Variants in EPS8L2 observed in about 807,000 individuals in gnomAD.
The protein encoded by EPS8L2 is epidermal growth factor receptor kinase substrate 8-like protein 2.
In EPS8L2, 81 loss-of-function variants were observed where a neutral mutation model predicts 99.4. That is an observed-to-expected ratio of 0.82 (90% CI 0.68 to 0.98). EPS8L2 has a LOEUF of 0.98. Among genes scored for constraint, EPS8L2 ranks in the 50% least tolerant of loss-of-function variants. The probability of loss-of-function intolerance (pLI) is 0.00; values close to 1 mark genes in which losing one functional copy is unlikely to be tolerated. For missense variants in EPS8L2, 1,155 were observed against 968.8 expected (o/e 1.19, Z -2.55); for synonymous variants, 509 against 407.3 (o/e 1.25, Z -3.01).
chr11:710,535 G>T, intron 4 of EPS8L2, 49 bp downstream of exon 4: 1 of 1,513,818 alleles, frequency 6.6e-7, no homozygotes, highest in Non-Finnish European at 9.2e-7. Flanking sequence ...GCACCCTCAG[G>T]ACATGGCTGT....
At chr11:721,507 A>T in intron 9 of EPS8L2, 58 bp from the exon 10 acceptor site, 1 of 1,518,284 alleles carries the variant, frequency 6.6e-7, no homozygotes, top group Non-Finnish European at 8.8e-7. Flanking sequence ...CTGTCCCTGC[A>T]GCAAGGCGGG....
At position 721,673 on chromosome 11, in the gene EPS8L2, G is replaced by T; in HGVS notation, c.877G>T (p.Gly293Cys). The stretch of plus-strand genomic sequence containing the variant: ...CCAGCGGAAAAAGGGGAAGAAGAAG[G>T]GCAAGAAGGCGCCAGCAGGTGCAGG... ...LNQRKKGKKKGKKAPAEGVLT... is the reference protein window; with the variant it reads ...LNQRKKGKKKCKKAPAEGVLT... Residue 293 changes from glycine (G) to cysteine (C), a missense_variant, in exon 10 of 21, where the codon GGC becomes TGC. Transcript: ENST00000318562. 6.3e-7 allele frequency: 1 copy of T among 1,592,878 alleles called. No individual in the cohort carries two copies. The highest frequency in any genetic ancestry group is 2.2e-5 in the East Asian group (1 of 44,638).
In EPS8L2 at chr11:723,513, A is replaced by G. The variant is rs1357862251; in HGVS notation, c.1454+160A>G. Among the ~76,000 whole-genome samples, 4 of 152,248 alleles carry G rather than the reference A, an allele frequency of 2.6e-5. No individual in the cohort carries two copies. In the East Asian group the frequency reaches 7.7e-4, roughly 29 times the overall value. On this transcript the variant is annotated intron_variant, in intron 15 of 20. Transcript: ENST00000318562. Reference sequence around the variant, plus strand: ...TTGAAGCGGTTTTCATTTCAACTGCATGATATATAATTAAAGGAAACATTT... The same window carrying G: ...TTGAAGCGGTTTTCATTTCAACTGCGTGATATATAATTAAAGGAAACATTT...
At chr11:725,688 G>C in intron 16 of EPS8L2, 40 bp from the exon 17 acceptor site, 1 of 1,297,732 alleles carries the variant, frequency 7.7e-7, no homozygotes, top group Non-Finnish European at 9.8e-7. Flanking sequence ...CAGCCCCGCA[G>C]AGCCTGGGTG....
chr11:725,896 A>C, intron 17 of EPS8L2, 49 bp downstream of exon 17: 1 of 1,364,250 alleles, frequency 7.3e-7, no homozygotes, highest in Non-Finnish European at 9.4e-7. Flanking sequence ...TTCCTGGAGC[A>C]GCCCCGCCTG....
In EPS8L2 at chr11:722,163, C is replaced by CTGG; in HGVS notation, c.1059+1_1059+3dup. ...GCACTTCCTCTTCGGGCCTCTGGAC[C>CTGG]TGGTGCCTGGGGCCGGGCGGCAGGG... On this transcript the variant is annotated inframe_insertion and splice_region_variant, in exon 12 of 21. Transcript: ENST00000318562. The CTGG allele has an allele frequency of 6.2e-7, 1 of 1,612,214 alleles. No homozygotes were observed. Among genetic ancestry groups the CTGG allele is most frequent in the Non-Finnish European group, 8.5e-7 (1 of 1,179,618 alleles).
intron 15 of EPS8L2, among the ~76,000 whole-genome samples, chr11:723,804 G>T (rs929323578): frequency 1.4e-5 from 2 of 140,794 alleles, no homozygotes; most frequent in Non-Finnish European, 3.1e-5. Flanking sequence ...CAAAGAACAA[G>T]CCTATGGCAC....
In EPS8L2 at chr11:723,239, A is replaced by C; in HGVS notation, c.1342-2A>C. On this transcript the variant is annotated splice_acceptor_variant, in intron 14 of 20. Coordinates refer to ENST00000318562, the MANE Select transcript of EPS8L2 (RefSeq NM_022772.4). LOFTEE classifies it high-confidence loss of function. Reference sequence around the variant, plus strand: ...AACTCAGGTCGCCCACCTTCCCCACAGGTGAGTCCAGTGAGCCGACAGTCC... The same window carrying C: ...AACTCAGGTCGCCCACCTTCCCCACCGGTGAGTCCAGTGAGCCGACAGTCC... 1.3e-6 allele frequency: 2 copies of C among 1,587,842 alleles called. No individual in the cohort carries two copies. Among genetic ancestry groups the C allele is most frequent in the Non-Finnish European group, 1.7e-6 (2 of 1,166,336 alleles).
At position 721,976 on chromosome 11, in the gene EPS8L2, G is replaced by A; in HGVS notation, c.969G>A (p.Leu323=). ...TCGACTGCTTCCAGAAAATCAAGCT[G>A]GCGATTAACTTGCTGGTGGGTCCGG... ...EFIDCFQKIK[L]AINLLAKLQK... is the part of the protein sequence containing the mutation. Residue 323 remains leucine, a synonymous_variant, in exon 11 of 21, where the codon CTG becomes CTA. Transcript: ENST00000318562. 6.2e-7 allele frequency: 1 copy of A among 1,605,624 alleles called. No individual in the cohort carries two copies. Among genetic ancestry groups the A allele is most frequent in the Non-Finnish European group, 8.5e-7 (1 of 1,176,132 alleles).
At position 723,224 on chromosome 11, in the gene EPS8L2, G is replaced by T. The variant is rs551881721; in HGVS notation, c.1342-17G>T. 16 of 1,520,410 alleles carry T rather than the reference G, an allele frequency of 1.1e-5. No homozygotes were observed. In the East Asian group the frequency reaches 3.5e-4, roughly 33 times the overall value. 94.2% of individuals were successfully genotyped at this position (1,520,410 alleles called of 1,614,324 possible). On this transcript the variant is annotated splice_polypyrimidine_tract_variant and intron_variant, in intron 14 of 20. Transcript: ENST00000318562. ...CCCCGCCCCATGTCTAACTCAGGTC[G>T]CCCACCTTCCCCACAGGTGAGTCCA...
chr11:710,634 C>A, intron 4 of EPS8L2, 148 bp downstream of exon 4: 2 of 790,300 alleles, frequency 2.5e-6, no homozygotes, highest in Non-Finnish European at 4.2e-6. Context: ...GAGGCTGAGG[C>A]GAGGGGGTCA....
At chr11:726,532 G>A in intron 19 of EPS8L2, 48 bp downstream of exon 19, 1 of 1,513,448 alleles carries the variant, frequency 6.6e-7, no homozygotes, top group Non-Finnish European at 8.9e-7. Flanking sequence ...GGGGTGGGAG[G>A]TGCGGCCGAA....
rs770158052 is a variant in EPS8L2 at position 725,728 on chromosome 11, G to A, written c.1561G>A (p.Val521Met). 1 of 1,327,346 alleles carries A rather than the reference G, an allele frequency of 7.5e-7. No homozygotes were observed. Among genetic ancestry groups the A allele is most frequent in the Admixed American group, 4.0e-5 (1 of 25,074 alleles). 82.2% of individuals were successfully genotyped at this position (1,327,346 alleles called of 1,614,324 possible). A position where few individuals can be genotyped will look rare whatever the true frequency, so the allele number is the denominator to read the frequency against. The change falls in exon 17 of 21, where the codon GTG becomes ATG. Residue 521 changes from valine (V) to methionine (M), a missense_variant and splice_region_variant. Transcript: ENST00000318562. ...GAGGGGCTGACGGCGCGCCCCGCAG[G>A]TGCTGGAGGACGGCCGGCAGTGGTG... ...LSVLKDEVLE[V>M]LEDGRQWWKL...
intron 4 of EPS8L2, among the ~76,000 whole-genome samples, chr11:712,678 GAC>G (rs1362275838): frequency 6.6e-6 from 1 of 152,266 alleles, no homozygotes; most frequent in African/African-American, 2.4e-5. Flanking sequence ...GCAGAGGTGA[GAC>G]AGGTCACTAC....
At chr11:723,185 G>T in intron 14 of EPS8L2, 56 bp from the exon 15 acceptor site, 1 of 890,276 alleles carries the variant, frequency 1.1e-6, no homozygotes, top group Non-Finnish European at 1.8e-6. Context: ...ATGCCCCCTC[G>T]TCCTGGGACC....
At position 721,046 on chromosome 11, in the gene EPS8L2, G is replaced by A; in HGVS notation, c.558-18G>A. 1 of 1,379,252 alleles carries A rather than the reference G, an allele frequency of 7.3e-7. No individual in the cohort carries two copies. The highest frequency in any genetic ancestry group is 9.5e-7 in the Non-Finnish European group (1 of 1,050,500). 85.4% of individuals were successfully genotyped at this position (1,379,252 alleles called of 1,614,324 possible). A position where few individuals can be genotyped will look rare whatever the true frequency, so the allele number is the denominator to read the frequency against. On this transcript the variant is annotated intron_variant, in intron 7 of 20. Coordinates refer to ENST00000318562, the MANE Select transcript of EPS8L2 (RefSeq NM_022772.4). ...GTGCGTTCCCGGCGGGGCTGAGCAGGACCCCCTCGCCCTCCAGGGGACACC... is the reference window on the plus strand; with the variant it reads ...GTGCGTTCCCGGCGGGGCTGAGCAGAACCCCCTCGCCCTCCAGGGGACACC...
At position 726,290 on chromosome 11, in the gene EPS8L2, G is replaced by T; in HGVS notation, c.1754-14G>T. On this transcript the variant is annotated splice_polypyrimidine_tract_variant and intron_variant, in intron 18 of 20. Transcript: ENST00000318562. ...GGCAAGGCAGCGGCGGGCCTGAGTC[G>T]CGCGCCCCCTCAGAGCTCATGCAGC... 1.3e-6 allele frequency: 2 copies of T among 1,595,076 alleles called. No homozygotes were observed. The highest frequency in any genetic ancestry group is 1.7e-6 in the Non-Finnish European group (2 of 1,171,508).
Position 726,671 on chromosome 11 carries a change from A to C in EPS8L2, c.1987A>C (p.Lys663Gln). The C allele has an allele frequency of 6.4e-7, 1 of 1,574,428 alleles. No individual in the cohort carries two copies. The highest frequency in any genetic ancestry group is 8.6e-7 in the Non-Finnish European group (1 of 1,160,986). Residue 663 changes from lysine to glutamine, a missense_variant, in exon 20 of 21, where the codon AAG becomes CAG. Lys to Gln is a moderately conservative substitution (Grantham distance 53, BLOSUM62 1). Transcript: ENST00000318562. ...LTGPQLFSLNKEELKKVCGEE... is the reference protein window; with the variant it reads ...LTGPQLFSLNQEELKKVCGEE... ...CGGGCCGCAGCTCTTCTCCCTCAAC[A>C]AGGAGGAGCTGAAGAAAGTGTGCGG...
chr11:726,591 G>T, intron 19 of EPS8L2, 28 bp from the exon 20 acceptor site: 1 of 1,537,480 alleles, frequency 6.5e-7, no homozygotes, highest in Non-Finnish European at 8.8e-7. Context: ...TCACAGCGCG[G>T]CCCTGACGCC....
Sources: gnomAD v4.1 joint callset for allele counts (sites outside exome capture counted in the v4.1 genomes callset) on GRCh38, gnomAD v4.1.1 for gene constraint, MANE v1.5 for transcripts, NCBI Gene and HGNC (gene_info 2026-07-23, HGNC 2026-07-21) for gene names.